VPS54: variants seen among roughly 807,000 people sequenced by gnomAD.
VPS54 encodes VPS54 subunit of GARP complex.
A neutral mutation model predicts 121.5 loss-of-function variants in VPS54; 45 were observed. The observed-to-expected ratio is 0.37, with a 90% CI of 0.29 to 0.47. The LOEUF is 0.47. Among genes scored for constraint, VPS54 ranks in the 20% least tolerant of loss-of-function variants. The pLI, the probability that VPS54 is intolerant of heterozygous loss-of-function variation, is 0.99. For synonymous variants in VPS54, 371 were observed against 385.8 expected, an observed-to-expected ratio of 0.96 and a Z score of 0.45; for missense variants, 1,090 against 1,131.4, an observed-to-expected ratio of 0.96 and a Z score of 0.52.
At chr2:63,936,013 C>T (rs1319674806) in intron 11 of VPS54, among the ~76,000 whole-genome samples, 1 of 152,118 alleles carries the variant, frequency 6.6e-6, no homozygotes, top group Non-Finnish European at 1.5e-5. Flanking sequence ...AAGAGAAAGG[C>T]AAAGCTGAAT....
chr2:63,921,365 G>T (rs535255285), intron 12 of VPS54, 30 bp from the exon 13 acceptor site: 4 of 1,605,358 alleles, frequency 2.5e-6, no homozygotes, highest in Admixed American at 1.7e-5. Flanking sequence ...ATTTAGTCAG[G>T]GAAAGTTGTA....
Position 63,942,369 on chromosome 2 carries a change from G to C in VPS54, c.1398+96C>G, listed in dbSNP as rs1674783368. 2.9e-5 allele frequency: 24 copies of C among 837,364 alleles called. No homozygotes were observed. The East Asian group carries it at 7.9e-4, about 28-fold the overall frequency. 51.9% of individuals were successfully genotyped at this position (837,364 alleles called of 1,614,324 possible). A position where few individuals can be genotyped will look rare whatever the true frequency, so the allele number is the denominator to read the frequency against. The stretch of plus-strand genomic sequence containing the variant: ...AAAATTACAAAAACAAAGAAACTGT[G>C]TTTTATTCTAGTTTGAGTCTTTATT... On this transcript the variant is annotated intron_variant, in intron 11 of 22. Coordinates refer to ENST00000272322, the MANE Select transcript of VPS54 (RefSeq NM_016516.3).
intron 1 of VPS54, among the ~76,000 whole-genome samples, chr2:63,987,335 G>A (rs912038833): frequency 6.6e-6 from 1 of 152,108 alleles, no homozygotes; most frequent in Non-Finnish European, 1.5e-5. Flanking sequence ...CCCCAAGATT[G>A]TCCTTTGTTA....
chr2:64,015,827 G>A (rs909149650), intron 1 of VPS54, among the ~76,000 whole-genome samples: 5 of 152,084 alleles, frequency 3.3e-5, no homozygotes, highest in African/African-American at 1.2e-4. Context: ...CCTTCCTTAG[G>A]TTAAAGCATT....
At chr2:63,976,867 C>T (rs771019312) in intron 3 of VPS54, among the ~76,000 whole-genome samples, 19 of 120,928 alleles carry the variant, frequency 1.6e-4, no homozygotes, top group South Asian at 2.7e-4. Flanking sequence ...CTTGCTCTGT[C>T]ACCCAGGCTG....
At chr2:63,967,940 A>G (rs1254588578) in intron 5 of VPS54, among the ~76,000 whole-genome samples, 1 of 152,138 alleles carries the variant, frequency 6.6e-6, no homozygotes, top group Non-Finnish European at 1.5e-5. Context: ...GTCTTCCAGG[A>G]TCAAGAAACA....
chr2:63,967,493 C>G (rs1279520906), intron 5 of VPS54, among the ~76,000 whole-genome samples: 1 of 151,786 alleles, frequency 6.6e-6, no homozygotes, highest in Non-Finnish European at 1.5e-5. Flanking sequence ...GTGGGCGGAT[C>G]ACTTGAAGTC....
At chr2:63,896,305 T>A (rs968035053) in intron 22 of VPS54, among the ~76,000 whole-genome samples, 2 of 152,180 alleles carry the variant, frequency 1.3e-5, no homozygotes, top group African/African-American at 4.8e-5. Context: ...TTAAATTTTA[T>A]GACTGCAGCC....
At chr2:64,008,518 G>A (rs929395501) in intron 1 of VPS54, among the ~76,000 whole-genome samples, 5 of 152,112 alleles carry the variant, frequency 3.3e-5, no homozygotes, top group African/African-American at 1.2e-4. Context: ...GAGGCAAAGT[G>A]AGAAAGAAAG....
chr2:63,908,214 A>G (rs1672986387), intron 20 of VPS54, among the ~76,000 whole-genome samples: 1 of 152,222 alleles, frequency 6.6e-6, no homozygotes, highest in African/African-American at 2.4e-5. Context: ...GTGAATCCAT[A>G]CAATGAATAC....
chr2:63,900,542 A>G (rs536059174), intron 20 of VPS54, among the ~76,000 whole-genome samples: 102 of 152,328 alleles, frequency 6.7e-4, no homozygotes, highest in African/African-American at 2.2e-3. Context: ...GCTAAATACT[A>G]TATCTCCCTT....
intron 7 of VPS54, among the ~76,000 whole-genome samples, chr2:63,952,034 T>C (rs74476148): frequency 0.021 from 3,226 of 152,300 alleles, 33 homozygotes; most frequent in East Asian, 0.035. Flanking sequence ...CAACAAACAT[T>C]TGTGCCTACC....
chr2:63,966,150 G>A (rs140175618), intron 5 of VPS54, among the ~76,000 whole-genome samples, 184 bp from the exon 6 acceptor site: 2 of 152,078 alleles, frequency 1.3e-5, no homozygotes, highest in South Asian at 4.1e-4. Flanking sequence ...TTCTCACCAA[G>A]CTTAAAATAC....
rs1251697588 is a variant in VPS54, at chr2:63,912,634, A to C, written c.2450T>G (p.Ile817Ser). 6.3e-7 allele frequency: 1 copy of C among 1,581,904 alleles called. No homozygotes were observed. The highest frequency in any genetic ancestry group is 8.5e-7 in the Non-Finnish European group (1 of 1,172,254). ...LALSSRCLQL[I>S]VHYIPVIRAH... ...CCGGATCACAGGAATGTAGTGCACAATTAACTGCAAACATCGTGAAGAAAG... is the reference window on the plus strand; with the variant it reads ...CCGGATCACAGGAATGTAGTGCACACTTAACTGCAAACATCGTGAAGAAAG... Residue 817 changes from isoleucine to serine, a missense_variant, in exon 19 of 23, where the codon ATT becomes AGT. By Grantham distance (142) the Ile-to-Ser change is moderately radical. Around this residue, in one of 2 missense-constraint regions of VPS54, gnomAD observed 289 missense variants for 374.4 expected, o/e 0.77. Transcript: ENST00000272322.
intron 11 of VPS54, among the ~76,000 whole-genome samples, chr2:63,941,733 T>C (rs910638237): frequency 6.6e-6 from 1 of 152,016 alleles, no homozygotes; most frequent in Non-Finnish European, 1.5e-5. Flanking sequence ...TGAATAAAAA[T>C]GTAAATAAAG....
intron 11 of VPS54, among the ~76,000 whole-genome samples, chr2:63,938,876 G>A (rs958545962): frequency 6.6e-6 from 1 of 152,162 alleles, no homozygotes; most frequent in African/African-American, 2.4e-5. Flanking sequence ...TAATGCCACT[G>A]AATTGTGCAC....
At chr2:64,001,328 A>T (rs1218099818) in intron 1 of VPS54, among the ~76,000 whole-genome samples, 1 of 152,196 alleles carries the variant, frequency 6.6e-6, no homozygotes, top group East Asian at 1.9e-4. Flanking sequence ...AAGGCCTGGA[A>T]TCAGGGACCC....
chr2:63,997,011 T>G (rs1559048579), intron 1 of VPS54, among the ~76,000 whole-genome samples: 1 of 152,224 alleles, frequency 6.6e-6, no homozygotes, highest in Non-Finnish European at 1.5e-5. Context: ...TGCTGACATG[T>G]GATGTCTCAC....
At chr2:63,922,300 T>A (rs1307406785) in intron 12 of VPS54, among the ~76,000 whole-genome samples, 1 of 152,198 alleles carries the variant, frequency 6.6e-6, no homozygotes, top group Non-Finnish European at 1.5e-5. Context: ...ATGAGCCAAG[T>A]GAAGTACCTT....
Sources: gnomAD v4.1 joint callset for allele counts (sites outside exome capture counted in the v4.1 genomes callset) on GRCh38, gnomAD v4.1.1 for gene constraint, gnomAD v4.1.1 regional missense constraint, MANE v1.5 for transcripts, NCBI Gene and HGNC (gene_info 2026-07-23, HGNC 2026-07-21) for gene names.